Variants in DAB2IP observed in about 807,000 individuals in gnomAD.
DAB2IP encodes disabled homolog 2-interacting protein.
In DAB2IP, 28 loss-of-function variants were observed where a neutral mutation model predicts 107.2. The observed-to-expected ratio is 0.26, with a 90% CI of 0.19 to 0.36. DAB2IP has a LOEUF of 0.36. DAB2IP is among the 10% of genes least tolerant of loss of function. DAB2IP has a pLI of 1.00. For missense variants in DAB2IP, 1,400 were observed against 1,644.7 expected (o/e 0.85, Z 2.57); for synonymous variants, 755 against 706.4 (o/e 1.07, Z -1.09).
Position 121,782,632 on chromosome 9 carries a change from C to T in DAB2IP, c.*134C>T, listed in dbSNP as rs1223490752. 31 of 1,498,578 alleles carry T rather than the reference C, an allele frequency of 2.1e-5. No homozygotes were observed. Among genetic ancestry groups the T allele is most frequent in the South Asian group, 2.7e-5 (2 of 75,424 alleles). The allele number at this position is 1,498,578 out of a possible 1,614,324, so 92.8% of individuals were successfully genotyped here. Reference sequence around the variant, plus strand: ...AGGAGGCCGAGCCTCCCCTCCCTGCCGCTGTCCAGGAGGCGGCCGCAGAGG... The same window carrying T: ...AGGAGGCCGAGCCTCCCCTCCCTGCTGCTGTCCAGGAGGCGGCCGCAGAGG... On this transcript the variant is annotated 3_prime_UTR_variant, in exon 16 of 16. Coordinates refer to ENST00000408936, the Ensembl canonical transcript of DAB2IP. This position sits in a 1 kb window ranked among gnomAD's most constrained non-coding sequence, Gnocchi z 6.1.
intron 9 of DAB2IP, 144 bp from the exon 10 acceptor site, chr9:121,768,288 A>G (rs1834439036): frequency 1.2e-6 from 1 of 846,420 alleles, no homozygotes; most frequent in Non-Finnish European, 2.0e-6. Flanking sequence ...GACCTGGGTC[A>G]GAGCATATTC....
At chr9:121,779,778 C>T (rs535085579) in intron 14 of DAB2IP, among the ~76,000 whole-genome samples, 1 of 152,212 alleles carries the variant, frequency 6.6e-6, no homozygotes, top group Non-Finnish European at 1.5e-5. Context: ...CATCTGCATG[C>T]GGATATTATT....
intron 1 of DAB2IP, among the ~76,000 whole-genome samples, chr9:121,661,196 C>T (rs1833184947): frequency 6.6e-6 from 1 of 151,672 alleles, no homozygotes; most frequent in Non-Finnish European, 1.5e-5. Context: ...TTTCAGGGAG[C>T]AGCTTCAGGA....
At chr9:121,671,337 AAAC>A (rs913052402) in intron 1 of DAB2IP, among the ~76,000 whole-genome samples, 28 of 152,254 alleles carry the variant, frequency 1.8e-4, no homozygotes, top group Admixed American at 1.2e-3. Context: ...CTCCATCTCA[AAAC>A]AACAACAACA....
intron 1 of DAB2IP, among the ~76,000 whole-genome samples, chr9:121,632,796 C>T (rs961482558): frequency 1.3e-5 from 2 of 152,226 alleles, no homozygotes; most frequent in African/African-American, 4.8e-5. Flanking sequence ...GACCAGCGTC[C>T]CACTGTGAGT....
chr9:121,625,135 A>T lies in DAB2IP; in HGVS notation c.41-53543A>T, dbSNP rs550958017. On this transcript the variant is annotated intron_variant, in intron 1 of 16. Transcript: ENST00000259371. Reference sequence around the variant, plus strand: ...TGTTTTTCCCCATATTTTACAGAGGAGGAAGTAGAGGCTCAGAGAGAGAGG... The same window carrying T: ...TGTTTTTCCCCATATTTTACAGAGGTGGAAGTAGAGGCTCAGAGAGAGAGG... 2.6e-5 allele frequency among the ~76,000 whole-genome samples: 4 copies of T among 152,104 alleles called. No homozygotes were observed. In the South Asian group the frequency reaches 6.2e-4, roughly 24 times the overall value.
At chr9:121,692,294 G>C (rs1421093692) in intron 2 of DAB2IP, among the ~76,000 whole-genome samples, 1 of 152,100 alleles carries the variant, frequency 6.6e-6, no homozygotes, top group African/African-American at 2.4e-5. Context: ...TGTGTGTGCT[G>C]ATCAATGTGT....
chr9:121,751,077 CT>C, intron 3 of DAB2IP: 1 of 217,512 alleles, frequency 4.6e-6, no homozygotes, highest in Non-Finnish European at 9.3e-6. Flanking sequence ...GGCTGTGGAC[CT>C]TTCCCTGCTG....
intron 14 of DAB2IP, among the ~76,000 whole-genome samples, chr9:121,778,876 C>CTT (rs59909340): frequency 5.2e-4 from 79 of 151,028 alleles, no homozygotes; most frequent in Middle Eastern, 6.8e-3. Context: ...TTATAAGATA[C>CTT]TTTTTTTTTA....
intron 1 of DAB2IP, among the ~76,000 whole-genome samples, chr9:121,638,259 C>A (rs543636011): frequency 6.6e-6 from 1 of 152,292 alleles, no homozygotes; most frequent in African/African-American, 2.4e-5. Flanking sequence ...CAACTATCTC[C>A]ATAGCATTTA....
chr9:121,595,588 G>T (rs748962829), intron 1 of DAB2IP, among the ~76,000 whole-genome samples: 4 of 140,484 alleles, frequency 2.8e-5, no homozygotes, highest in Admixed American at 7.5e-5. Flanking sequence ...GGTTGAAAGA[G>T]AGAGGTGCTG....
rs377320590 is a variant in DAB2IP at position 121,668,907 on chromosome 9, CTTTTTTTTTT to C, written c.125-9755_125-9746del. Among the ~76,000 whole-genome samples, 161 of 72,186 alleles carry C rather than the reference CTTTTTTTTTT, an allele frequency of 2.2e-3. 1 individual carries two copies. Among genetic ancestry groups the C allele is most frequent in the Middle Eastern group, 0.012 (1 of 82 alleles). 47.4% of individuals were successfully genotyped at this position (72,186 alleles called of 152,430 possible). ...CTTAAAGGGTCCATAGTAAGCCTTACTTTTTTTTTTTTTTTTTTTTTTTTTGGAGACAGAG... is the reference window on the plus strand; with the variant it reads ...CTTAAAGGGTCCATAGTAAGCCTTACTTTTTTTTTTTTTTTGGAGACAGAG... On this transcript the variant is annotated intron_variant, in intron 1 of 15. Transcript: ENST00000408936.
intron 1 of DAB2IP, among the ~76,000 whole-genome samples, chr9:121,582,209 A>G (rs1830211778): frequency 6.6e-6 from 1 of 152,118 alleles, no homozygotes; most frequent in Non-Finnish European, 1.5e-5. Context: ...GGGCCCAGAA[A>G]TCAAAACATC....
intron 2 of DAB2IP, among the ~76,000 whole-genome samples, chr9:121,690,636 C>T (rs893349471): frequency 3.3e-5 from 5 of 152,196 alleles, no homozygotes; most frequent in African/African-American, 7.2e-5. Context: ...CGCTGATGCC[C>T]GCCTAATCCT....
intron 3 of DAB2IP, among the ~76,000 whole-genome samples, chr9:121,735,241 C>A (rs767243202): frequency 6.6e-6 from 1 of 152,066 alleles, no homozygotes; most frequent in South Asian, 2.1e-4. Context: ...TGTGGGCAGA[C>A]GGGGTGGTGT....
At chr9:121,750,971 G>A (rs769985072) in intron 3 of DAB2IP, 32 of 163,054 alleles carry the variant, frequency 2.0e-4, no homozygotes, top group Non-Finnish European at 3.5e-4. Flanking sequence ...TTGTGCCCAC[G>A]TTTCCTGGGC....
Position 121,736,552 on chromosome 9 carries a change from G to A in DAB2IP, c.363-20461G>A, listed in dbSNP as rs1831935967. 1.3e-5 allele frequency among the ~76,000 whole-genome samples: 2 copies of A among 151,234 alleles called. No homozygotes were observed. The highest frequency in any genetic ancestry group is 4.2e-4 in the South Asian group (2 of 4,794). On this transcript the variant is annotated intron_variant, in intron 3 of 15. Coordinates refer to ENST00000408936, the Ensembl canonical transcript of DAB2IP. This position sits in a 1 kb window ranked among gnomAD's most constrained non-coding sequence, Gnocchi z 4.6. The stretch of plus-strand genomic sequence containing the variant: ...GGCCTACTGCTGTGGGGTGGGGGGC[G>A]GGTGGGAGGGCCCGGAGGGCTGGGG...
intron 3 of DAB2IP, among the ~76,000 whole-genome samples, chr9:121,739,390 G>C (rs937623092): frequency 1.3e-5 from 2 of 152,210 alleles, no homozygotes; most frequent in African/African-American, 4.8e-5. Flanking sequence ...TAGCAGTTCA[G>C]ATTTATTCAG....
chr9:121,610,741 G>C (rs1178424617), intron 1 of DAB2IP, among the ~76,000 whole-genome samples: 1 of 152,110 alleles, frequency 6.6e-6, no homozygotes, highest in Non-Finnish European at 1.5e-5. Context: ...AATAGTCAGA[G>C]GGGGGCGCAG....
Sources: gnomAD v4.1 joint callset for allele counts (sites outside exome capture counted in the v4.1 genomes callset) on GRCh38, gnomAD v4.1.1 for gene constraint, Gnocchi (gnomAD v3.1) non-coding constraint, MANE v1.5 for transcripts, NCBI Gene and HGNC (gene_info 2026-07-23, HGNC 2026-07-21) for gene names.